Variants in DHRSX observed in about 807,000 individuals in gnomAD.
DHRSX encodes polyprenol dehydrogenase.
A neutral mutation model predicts 34.0 loss-of-function variants in DHRSX; 31 were observed. The ratio of observed to expected loss-of-function variants is 0.91; its 90% CI spans 0.69 to 1.23. The LOEUF (loss-of-function observed/expected upper bound fraction) is 1.23, where lower values mean the gene tolerates loss of function less well. Ranked by LOEUF, DHRSX falls within the 50% of genes most tolerant of loss-of-function variation. DHRSX has a pLI of 0.00. For synonymous variants in DHRSX, 201 were observed against 183.8 expected (o/e 1.09, Z -0.76); for missense variants, 414 against 428.1 (o/e 0.97, Z 0.29).
At chrX:2,429,066 T>C (rs1163877875) in intron 1 of DHRSX, among the ~76,000 whole-genome samples, 2 of 152,118 alleles carry the variant, frequency 1.3e-5, no homozygotes, top group African/African-American at 4.8e-5. Flanking sequence ...ACTTAGAAAA[T>C]TGCCGAATAA....
chrX:2,294,580 G>A (rs1382488750), intron 3 of DHRSX, among the ~76,000 whole-genome samples: 4 of 151,552 alleles, frequency 2.6e-5, no homozygotes, highest in African/African-American at 7.3e-5. Flanking sequence ...CAGGAGAATC[G>A]CATGAACCTG....
At chrX:2,397,885 C>T (rs536881961) in intron 3 of DHRSX, among the ~76,000 whole-genome samples, 2 of 151,700 alleles carry the variant, frequency 1.3e-5, no homozygotes, top group South Asian at 4.1e-4. Context: ...TCAGCCTTGT[C>T]GTCTAATGGA....
At chrX:2,390,144 CTTTT>C (rs575599788) in intron 3 of DHRSX, among the ~76,000 whole-genome samples, 1 of 128,180 alleles carries the variant, frequency 7.8e-6, no homozygotes, top group Non-Finnish European at 1.6e-5. Flanking sequence ...GCATTTTAAC[CTTTT>C]TTTTTTTTTT....
At chrX:2,346,645 G>GTTTTT (rs1556483988) in intron 3 of DHRSX, among the ~76,000 whole-genome samples, 2 of 105,956 alleles carry the variant, frequency 1.9e-5, no homozygotes, top group African/African-American at 3.6e-5. Flanking sequence ...TATGAGTCTG[G>GTTTTT]TTTTTTTTTT....
At chrX:2,326,794 T>C (rs1258899683) in intron 3 of DHRSX, among the ~76,000 whole-genome samples, 2 of 148,272 alleles carry the variant, frequency 1.3e-5, no homozygotes, top group Non-Finnish European at 3.0e-5. Flanking sequence ...AGGGAAATCT[T>C]CTATTTCAGT....
intron 1 of DHRSX, among the ~76,000 whole-genome samples, chrX:2,475,178 G>A (rs1434869173): frequency 1.3e-5 from 2 of 150,338 alleles, no homozygotes; most frequent in African/African-American, 2.5e-5. Flanking sequence ...AGGGACCTCC[G>A]CCATGTGCAC....
intron 1 of DHRSX, among the ~76,000 whole-genome samples, chrX:2,485,945 G>A (rs1287334506): frequency 6.6e-6 from 1 of 151,134 alleles, no homozygotes; most frequent in East Asian, 2.0e-4. Context: ...GGAAGGATTT[G>A]TTGGCTGAAG....
chrX:2,372,903 C>T (rs2043092648), intron 3 of DHRSX, among the ~76,000 whole-genome samples: 1 of 152,112 alleles, frequency 6.6e-6, no homozygotes, highest in South Asian at 2.1e-4. Context: ...TCAGCCACCG[C>T]GCCTGGCTGG....
At chrX:2,354,394 A>T (rs949062183) in intron 3 of DHRSX, among the ~76,000 whole-genome samples, 18 of 152,228 alleles carry the variant, frequency 1.2e-4, no homozygotes, top group Non-Finnish European at 1.3e-4. Context: ...CTTAGAGAGC[A>T]GGTGCTCACA....
chrX:2,474,055 G>A (rs996837478), intron 1 of DHRSX, among the ~76,000 whole-genome samples: 3 of 151,986 alleles, frequency 2.0e-5, no homozygotes, highest in Non-Finnish European at 4.4e-5. Flanking sequence ...TGGGATGGGC[G>A]GTGACAGAGG....
At chrX:2,276,140 C>A (rs1252934035) in intron 4 of DHRSX, among the ~76,000 whole-genome samples, 1 of 152,222 alleles carries the variant, frequency 6.6e-6, no homozygotes, top group South Asian at 2.1e-4. Context: ...TCGCGCCCGG[C>A]CTGTTTCTTA....
rs1162378102 is a variant in DHRSX at position 2,362,756 on chromosome X, A to G, written c.286+45989T>C. The stretch of plus-strand genomic sequence containing the variant: ...CATTTTATCACCGTTCTATGGTATC[A>G]TGCCGCCATTTTATCACCGTTCTAT... On this transcript the variant is annotated intron_variant, in intron 3 of 6. Transcript: ENST00000334651. Among the ~76,000 whole-genome samples, 2 of 151,124 alleles carry G rather than the reference A, an allele frequency of 1.3e-5. 1 individual carries two copies. Among genetic ancestry groups the G allele is most frequent in the African/African-American group, 4.9e-5 (2 of 40,998 alleles).
chrX:2,317,636 A>G (rs758128133), intron 3 of DHRSX, among the ~76,000 whole-genome samples: 5 of 152,110 alleles, frequency 3.3e-5, no homozygotes, highest in African/African-American at 1.2e-4. Flanking sequence ...AAGAAAAAAA[A>G]AAGAAGGAGA....
At chrX:2,490,657 G>A (rs2045112439) in intron 1 of DHRSX, 2 of 1,613,976 alleles carry the variant, frequency 1.2e-6, no homozygotes, top group Non-Finnish European at 1.7e-6. Flanking sequence ...CCTTGCTCTT[G>A]GCGCGGGGGT....
rs756545754 is a variant in DHRSX at position 2,425,190 on chromosome X, T to A, written c.217+7A>T. 2.5e-6 allele frequency: 4 copies of A among 1,596,484 alleles called. No individual in the cohort carries two copies. In the East Asian group the frequency reaches 8.9e-5, roughly 36 times the overall value. On this transcript the variant is annotated splice_region_variant and intron_variant, in intron 2 of 6. Transcript: ENST00000334651. ...CAAAAAACACAAGTAACTGTAAAAG[T>A]CATCACCTATGATAACATGCATGCC...
At chrX:2,378,316 G>A (rs1448111401) in intron 3 of DHRSX, among the ~76,000 whole-genome samples, 5 of 152,166 alleles carry the variant, frequency 3.3e-5, no homozygotes, top group Non-Finnish European at 7.3e-5. Flanking sequence ...TGTCGCAGCA[G>A]CTCCAGGAAA....
intron 6 of DHRSX, among the ~76,000 whole-genome samples, chrX:2,231,597 C>CCT (rs1556425002): frequency 2.3e-5 from 1 of 43,488 alleles, no homozygotes. Flanking sequence ...CCTCCTTTTT[C>CCT]TTTTTTCCCT....
chrX:2,460,089 A>C (rs1379755179), intron 1 of DHRSX, among the ~76,000 whole-genome samples: 1 of 152,018 alleles, frequency 6.6e-6, no homozygotes, highest in African/African-American at 2.4e-5. Flanking sequence ...GCCTGGGCAA[A>C]AAGAGCAATA....
intron 3 of DHRSX, among the ~76,000 whole-genome samples, chrX:2,400,462 CAG>C (rs1175991836): frequency 2.0e-5 from 3 of 152,164 alleles, no homozygotes; most frequent in Non-Finnish European, 2.9e-5. Flanking sequence ...GACACCTACA[CAG>C]AGACTCTTGC....
Sources: allele counts gnomAD v4.1 joint callset (sites outside exome capture counted in the v4.1 genomes callset), GRCh38; gene constraint gnomAD v4.1.1; transcripts MANE v1.5; gene names NCBI Gene and HGNC (gene_info 2026-07-23, HGNC 2026-07-21).